The following ERCC2 variants were observed in gnomAD, a reference collection of about 807,000 sequenced individuals.
ERCC2 encodes the protein general transcription and DNA repair factor IIH helicase subunit XPD.
ERCC2 carries 90 observed loss-of-function variants against 99.4 expected under a neutral mutation model. The observed-to-expected ratio is 0.91, with a 90% confidence interval of 0.76 to 1.08. The LOEUF is 1.08. ERCC2 is among the 50% of genes least tolerant of loss of function. The pLI is 0.00. For missense variants in ERCC2, 993 were observed against 1,038.1 expected (o/e 0.96, Z 0.60); for synonymous variants, 497 against 432.4 (o/e 1.15, Z -1.85).
rs777129471 is a variant in ERCC2 at position 45,361,667 on chromosome 19, G to A, written c.1119-25C>T. On this transcript the variant is annotated intron_variant, in intron 11 of 22. Transcript: ENST00000391945. Reference sequence around the variant, plus strand: ...TCTGGCGGGGAGGAGAGACGGGGTCGGGGGGCAGACGGAAGCATGAGCAGG... The same window carrying A: ...TCTGGCGGGGAGGAGAGACGGGGTCAGGGGGCAGACGGAAGCATGAGCAGG... 39 of 1,535,140 alleles carry A rather than the reference G, an allele frequency of 2.5e-5. No individual in the cohort carries two copies. In the Admixed American group the frequency reaches 4.0e-4, roughly 16 times the overall value.
At chr19:45,355,905 T>C (rs1202375574) in intron 15 of ERCC2, among the ~76,000 whole-genome samples, 177 bp from the exon 16 acceptor site, 1 of 151,858 alleles carries the variant, frequency 6.6e-6, no homozygotes, top group African/African-American at 2.4e-5. Flanking sequence ...CCATCCCGCC[T>C]TGGCCTCCCA....
At position 45,352,513 on chromosome 19, in the gene ERCC2, G is replaced by T; in HGVS notation, c.2039C>A (p.Ala680Asp). Residue 680 changes from alanine (A) to aspartate (D), a missense_variant, in exon 21 of 23, where the codon GCC becomes GAC. By Grantham distance (126) the Ala-to-Asp change is moderately radical. Around this residue, in one of 3 missense-constraint regions of ERCC2, gnomAD observed 909 missense variants for 930.8 expected, o/e 0.98. Transcript: ENST00000391945. ...GCACCCCTGAAGCTGCACCTTGTCG[G>T]CAAAGACCATGAGGCCGTAGTCCGT... is the stretch of plus-strand genomic sequence containing the variant. ...GKTDYGLMVF[A>D]DKRFARGDKR... The T allele has an allele frequency of 6.2e-7, 1 of 1,614,164 alleles. No homozygotes were observed. The highest frequency in any genetic ancestry group is 8.5e-7 in the Non-Finnish European group (1 of 1,180,038).
intron 2 of ERCC2, among the ~76,000 whole-genome samples, chr19:45,369,704 G>A (rs1401420147): frequency 6.6e-6 from 1 of 152,112 alleles, no homozygotes; most frequent in Non-Finnish European, 1.5e-5. Context: ...TAAGAGACAA[G>A]TGTCACTATT....
At chr19:45,359,018 G>A (rs373350355) in intron 12 of ERCC2, 1 of 634,144 alleles carries the variant, frequency 1.6e-6, no homozygotes, top group Non-Finnish European at 2.9e-6. Flanking sequence ...GACCAAGCCA[G>A]CCTTGCCCCT....
intron 2 of ERCC2, 22 bp from the exon 3 acceptor site, chr19:45,369,169 G>A (rs1397289134): frequency 1.2e-6 from 2 of 1,605,126 alleles, no homozygotes; most frequent in African/African-American, 1.3e-5. Context: ...GGACCAGAGG[G>A]GCAACACACA....
At chr19:45,355,428 G>C (rs1246086732) in intron 16 of ERCC2, among the ~76,000 whole-genome samples, 1 of 152,212 alleles carries the variant, frequency 6.6e-6, no homozygotes, top group Non-Finnish European at 1.5e-5. Flanking sequence ...TGACCACTGT[G>C]ATCCCACCTG....
chr19:45,364,337 G>C lies in ERCC2; in HGVS notation c.719-6C>G. 6.2e-7 allele frequency: 1 copy of C among 1,613,974 alleles called. No individual in the cohort carries two copies. Among genetic ancestry groups the C allele is most frequent in the Non-Finnish European group, 8.5e-7 (1 of 1,179,988 alleles). ...GGAGTCGATGCAGACGTTGTCTGGA[G>C]AAGGGGGAGAGAGCCGGCTCAGGCA... On this transcript the variant is annotated splice_polypyrimidine_tract_variant and splice_region_variant and intron_variant, in intron 8 of 22. Coordinates refer to ENST00000391945, the MANE Select transcript of ERCC2 (RefSeq NM_000400.4).
chr19:45,363,693 A>G, intron 11 of ERCC2, 50 bp downstream of exon 11: 15 of 1,512,036 alleles, frequency 9.9e-6, no homozygotes, highest in Non-Finnish European at 1.3e-5. Context: ...ACGGCTCTGC[A>G]TAACCGGGAC....
rs1295345079 is a variant in ERCC2 at position 45,350,692 on chromosome 19, G to A, written c.*937C>T. On this transcript the variant is annotated 3_prime_UTR_variant, in exon 23 of 23. Coordinates refer to ENST00000391945, the MANE Select transcript of ERCC2 (RefSeq NM_000400.4). ...CAAGATCCGTGAGTCTATCAGGCGA[G>A]GAAGTGAGAAGCTGGTCTCCCGGCT... 1 of 1,613,888 alleles carries A rather than the reference G, an allele frequency of 6.2e-7. No homozygotes were observed. The highest frequency in any genetic ancestry group is 1.1e-5 in the South Asian group (1 of 91,026).
Position 45,357,364 on chromosome 19 carries a change from G to A in ERCC2, c.1385C>T (p.Ser462Phe). 3 of 1,613,718 alleles carry A rather than the reference G, an allele frequency of 1.9e-6. No individual in the cohort carries two copies. The highest frequency in any genetic ancestry group is 2.5e-6 in the Non-Finnish European group (3 of 1,179,604). Residue 462 changes from serine to phenylalanine, a missense_variant, in exon 15 of 23, where the codon TCC (serine) becomes TTC (phenylalanine). This residue lies in a region of ERCC2 where 909 missense variants were observed against 930.8 expected (regional missense o/e 0.98). Transcript: ENST00000391945. ...GATCTTGGGGTAGATGTCCAGCGGGGACAGTGTCTGTGGCGGGACAGTGGG... is the reference window on the plus strand; with the variant it reads ...GATCTTGGGGTAGATGTCCAGCGGGAACAGTGTCTGTGGCGGGACAGTGGG... The part of the protein sequence containing the change: ...QSVIITSGTL[S>F]PLDIYPKILD...
chr19:45,355,123 G>A (rs898374239), intron 16 of ERCC2, among the ~76,000 whole-genome samples: 6 of 152,208 alleles, frequency 3.9e-5, no homozygotes, highest in Non-Finnish European at 8.8e-5. Context: ...TTGGGAGGCC[G>A]AGGCGGGTGG....
At chr19:45,368,267 T>A (rs1281682738) in intron 5 of ERCC2, among the ~76,000 whole-genome samples, 1 of 152,160 alleles carries the variant, frequency 6.6e-6, no homozygotes, top group Non-Finnish European at 1.5e-5. Context: ...AGCAACCTTA[T>A]GAAGCAGGTA....
intron 19 of ERCC2, 125 bp downstream of exon 19, chr19:45,352,958 G>A: frequency 2.5e-6 from 3 of 1,216,014 alleles, no homozygotes; most frequent in Non-Finnish European, 3.6e-6. Context: ...AGAGGGGAGG[G>A]GAGGGCCCCT....
At chr19:45,363,722 G>A (rs760825103) in intron 11 of ERCC2, 21 bp downstream of exon 11, 93 of 1,525,986 alleles carry the variant, frequency 6.1e-5, no homozygotes, top group Middle Eastern at 4.6e-4. Context: ...CCCCCACCCC[G>A]CGCGCTGTCT....
rs1972333766 is a variant in ERCC2 at position 45,364,109 on chromosome 19, T to C, written c.826A>G (p.Thr276Ala). 1 of 1,610,744 alleles carries C rather than the reference T, an allele frequency of 6.2e-7. No individual in the cohort carries two copies. Among genetic ancestry groups the C allele is most frequent in the South Asian group, 1.1e-5 (1 of 90,756 alleles). The change falls in exon 10 of 23, where the codon ACA (threonine) becomes GCA (alanine). Residue 276 changes from threonine to alanine, a missense_variant. By Grantham distance (58) the Thr-to-Ala change is moderately conservative. Transcript: ENST00000391945. ...LQKTVLRIKE[T>A]DEQRLRDEYR... ...TCGTCCCGCAGGCGCTGCTCGTCTG[T>C]CTCTTTGATCCTGCGGAGAGATGAG...
At chr19:45,363,542 T>C (rs1291238282) in intron 11 of ERCC2, among the ~76,000 whole-genome samples, 1 of 152,210 alleles carries the variant, frequency 6.6e-6, no homozygotes, top group African/African-American at 2.4e-5. Context: ...GCCAGGCCCC[T>C]GCCCGACGCA....
chr19:45,358,334 T>C (rs3916847), intron 12 of ERCC2: 5,290 of 191,368 alleles, frequency 0.028, 113 homozygotes, highest in Non-Finnish European at 0.039. Flanking sequence ...ACGACCTTTC[T>C]ACCTAAGCCA....
In ERCC2 at chr19:45,361,339, A is replaced by G. The variant is rs111312092; in HGVS notation, c.1237+185T>C. On this transcript the variant is annotated intron_variant, in intron 12 of 22. Transcript: ENST00000391945. ...AGCCCGAGGAAGTCTGTGAAAATGT[A>G]AATCTGAGCACAAGGCTTACTCAAG... Among the ~76,000 whole-genome samples the G allele has an allele frequency of 7.0e-3, 1,064 of 152,162 alleles. 7 individuals carry two copies. The highest frequency in any genetic ancestry group is 0.024 in the African/African-American group (987 of 41,514).
intron 5 of ERCC2, among the ~76,000 whole-genome samples, chr19:45,366,927 C>G (rs956733686): frequency 2.0e-5 from 3 of 152,052 alleles, no homozygotes; most frequent in Non-Finnish European, 1.5e-5. Context: ...CCCAGCTACT[C>G]AGGAAGCTGA....
Sources: allele counts gnomAD v4.1 joint callset (sites outside exome capture counted in the v4.1 genomes callset), GRCh38; gene constraint gnomAD v4.1.1; regional missense constraint gnomAD v4.1.1; transcripts MANE v1.5; gene names NCBI Gene and HGNC (gene_info 2026-07-23, HGNC 2026-07-21).